Variants in DNAJC5 observed in about 807,000 individuals in gnomAD.
DNAJC5 encodes DnaJ heat shock protein family (Hsp40) member C5.
A neutral mutation model predicts 23.2 loss-of-function variants in DNAJC5; 1 was observed. That is an observed-to-expected ratio of 0.04 (90% CI 0.02 to 0.20). The LOEUF (loss-of-function observed/expected upper bound fraction) is 0.20. Ranked by LOEUF, DNAJC5 falls within the 10% of genes least tolerant of loss-of-function variation. DNAJC5 has a pLI of 1.00. For synonymous variants in DNAJC5, 136 were observed against 120.0 expected (o/e 1.13, Z -0.87); for missense variants, 180 against 267.0 (o/e 0.67, Z 2.27).
intron 1 of DNAJC5, among the ~76,000 whole-genome samples, chr20:63,900,040 C>G (rs1007562122): frequency 6.6e-6 from 1 of 151,946 alleles, no homozygotes; most frequent in Admixed American, 6.6e-5. Flanking sequence ...AGGCGCCTGC[C>G]ATGACACCCG....
In DNAJC5 at chr20:63,931,855, C is replaced by T. The variant is rs887145193; in HGVS notation, c.*287C>T. 4.3e-6 allele frequency: 2 copies of T among 463,410 alleles called. No individual in the cohort carries two copies. Among genetic ancestry groups the T allele is most frequent in the African/African-American group, 2.0e-5 (1 of 50,470 alleles). 28.7% of individuals were successfully genotyped at this position (463,410 alleles called of 1,614,324 possible). A position where few individuals can be genotyped will look rare whatever the true frequency, so the allele number is the denominator to read the frequency against. ...TTGTGGACATTCCGCGGCATGACCG[C>T]GTGAACTGCACGGTGGAGCTGCCTC... is the stretch of plus-strand genomic sequence containing the variant. On this transcript the variant is annotated 3_prime_UTR_variant, in exon 5 of 5. Coordinates refer to ENST00000360864, the MANE Select transcript of DNAJC5 (RefSeq NM_025219.3). The surrounding 1 kb of genome is among the most constrained non-coding windows in gnomAD (Gnocchi z 9.6).
At chr20:63,930,761 C>G (rs757175749) in intron 3 of DNAJC5, 90 bp from the exon 4 acceptor site, 64 of 1,594,528 alleles carry the variant, frequency 4.0e-5, no homozygotes, top group African/African-American at 5.4e-5. Flanking sequence ...GAACGCACCC[C>G]CTGCCTTCTG....
chr20:63,915,225 C>G (rs1042833394), intron 1 of DNAJC5, among the ~76,000 whole-genome samples: 4 of 151,958 alleles, frequency 2.6e-5, no homozygotes, highest in Admixed American at 2.6e-4. Flanking sequence ...TAGAATAGGA[C>G]CTTAGGGTCA....
chr20:63,906,626 T>C (rs1419399466), intron 1 of DNAJC5, among the ~76,000 whole-genome samples: 1 of 150,248 alleles, frequency 6.7e-6, no homozygotes, highest in Non-Finnish European at 1.5e-5. Context: ...CTACTAAAAA[T>C]ACAAAAAAAG....
intron 1 of DNAJC5, among the ~76,000 whole-genome samples, chr20:63,915,143 G>T (rs146893858): frequency 1.2e-4 from 18 of 152,122 alleles, no homozygotes; most frequent in South Asian, 2.1e-4. Context: ...ATAGGAGCTG[G>T]TCCGTATCTC....
rs2053556061 is a variant in DNAJC5 at position 63,920,190 on chromosome 20, T to G, written c.-11-8145T>G. Among the ~76,000 whole-genome samples the G allele has an allele frequency of 6.6e-6, 1 of 152,186 alleles. No homozygotes were observed. The highest frequency in any genetic ancestry group is 2.4e-5 in the African/African-American group (1 of 41,434). On this transcript the variant is annotated intron_variant, in intron 1 of 4. Coordinates refer to ENST00000360864, the MANE Select transcript of DNAJC5 (RefSeq NM_025219.3). The surrounding 1 kb of genome is among the most constrained non-coding windows in gnomAD (Gnocchi z 4.6). ...CACCCGGCTGTGTGGCAGGGGAGGT[T>G]CCCAAGAGCAGGCTCAGGGCTCTGG...
rs886043295 is a variant in DNAJC5 at position 63,930,868 on chromosome 20, C to T, written c.339C>T (p.Cys113=). Reference sequence around the variant, plus strand: ...CCCCCCAGGCCCTGTTTGTCTTCTGCGGCCTCCTCACGTGCTGCTACTGCT... The same window carrying T: ...CCCCCCAGGCCCTGTTTGTCTTCTGTGGCCTCCTCACGTGCTGCTACTGCT... ...SWWAKALFVF[C]GLLTCCYCCC... is the part of the protein sequence containing the mutation. The change falls in exon 4 of 5, where the codon TGC becomes TGT. Residue 113 remains cysteine (C), a synonymous_variant. Transcript: ENST00000360864. 2.8e-5 allele frequency: 45 copies of T among 1,613,066 alleles called. No homozygotes were observed. Among genetic ancestry groups the T allele is most frequent in the South Asian group, 7.7e-5 (7 of 91,048 alleles).
intron 1 of DNAJC5, among the ~76,000 whole-genome samples, chr20:63,916,879 A>G (rs1012565029): frequency 1.3e-5 from 2 of 152,214 alleles, no homozygotes; most frequent in Non-Finnish European, 2.9e-5. Context: ...AAGAAGAAAA[A>G]TATGGCTGTA....
At chr20:63,926,774 C>T (rs12481368) in intron 1 of DNAJC5, among the ~76,000 whole-genome samples, 9,561 of 152,258 alleles carry the variant, frequency 0.063, 417 homozygotes, top group Non-Finnish European at 0.097. Flanking sequence ...CACAGGGCAG[C>T]GCAGTTGGCT....
intron 1 of DNAJC5, among the ~76,000 whole-genome samples, chr20:63,911,679 CT>C (rs895377433): frequency 1.6e-3 from 236 of 144,482 alleles, no homozygotes; most frequent in Middle Eastern, 3.6e-3. Flanking sequence ...TTTAGGAATT[CT>C]TTTTTTTTTT....
At position 63,931,290 on chromosome 20, in the gene DNAJC5, C is replaced by G. The variant is rs1256009702; in HGVS notation, c.494-175C>G. 6 of 799,758 alleles carry G rather than the reference C, an allele frequency of 7.5e-6. No individual in the cohort carries two copies. The Admixed American group carries it at 1.2e-4, about 16-fold the overall frequency. 49.5% of individuals were successfully genotyped at this position (799,758 alleles called of 1,614,324 possible). A position where few individuals can be genotyped will look rare whatever the true frequency, so the allele number is the denominator to read the frequency against. ...AGGCAGTTGGGGCGGGGCTGAGGGC[C>G]GAGGGCTGGCGGTGACCCAAGGCGA... On this transcript the variant is annotated intron_variant, in intron 4 of 4. Coordinates refer to ENST00000360864, the MANE Select transcript of DNAJC5 (RefSeq NM_025219.3). This position sits in a 1 kb window ranked among gnomAD's most constrained non-coding sequence, Gnocchi z 9.6.
At chr20:63,927,983 C>G (rs1174097789) in intron 1 of DNAJC5, among the ~76,000 whole-genome samples, 1 of 151,928 alleles carries the variant, frequency 6.6e-6, no homozygotes, top group Non-Finnish European at 1.5e-5. Flanking sequence ...GAACAGGGTC[C>G]CTGTCTCCTG....
At chr20:63,900,012 C>T (rs1600858308) in intron 1 of DNAJC5, among the ~76,000 whole-genome samples, 1 of 151,906 alleles carries the variant, frequency 6.6e-6, no homozygotes, top group African/African-American at 2.4e-5. Flanking sequence ...CCTCAGCCTC[C>T]TGGGTTGCTG....
intron 1 of DNAJC5, among the ~76,000 whole-genome samples, chr20:63,902,647 C>T (rs772371618): frequency 1.7e-4 from 25 of 148,724 alleles, no homozygotes; most frequent in African/African-American, 4.7e-4. Flanking sequence ...GGATTACAGG[C>T]GTGAGCCAAC....
chr20:63,895,176 T>TGCCGCACCCGCGCCCTCTGCCGCC lies in DNAJC5; in HGVS notation c.-153_-130dup, dbSNP rs1251352034. ...CTGCCGCTGCCGCTGCCGCTGCCGG[T>TGCCGCACCCGCGCCCTCTGCCGCC]GCCGCACCCGCGCCCTCTGCCGCCG... is the stretch of plus-strand genomic sequence containing the variant. On this transcript the variant is annotated 5_prime_UTR_variant, in exon 1 of 5. Transcript: ENST00000360864. The TGCCGCACCCGCGCCCTCTGCCGCC allele has an allele frequency of 1.3e-5, 2 of 154,056 alleles. No homozygotes were observed. The highest frequency in any genetic ancestry group is 4.9e-5 in the African/African-American group (2 of 41,128). 9.5% of individuals were successfully genotyped at this position (154,056 alleles called of 1,614,324 possible).
chr20:63,912,896 G>A (rs973616162), intron 1 of DNAJC5, among the ~76,000 whole-genome samples: 20 of 152,234 alleles, frequency 1.3e-4, no homozygotes, highest in African/African-American at 4.8e-4. Context: ...TTTGGCCACC[G>A]TGCCCGGCCG....
At chr20:63,898,107 C>G (rs1387564057) in intron 1 of DNAJC5, among the ~76,000 whole-genome samples, 1 of 152,170 alleles carries the variant, frequency 6.6e-6, no homozygotes, top group African/African-American at 2.4e-5. Flanking sequence ...GAACTCGAGT[C>G]TTCTCTAGAC....
chr20:63,897,396 T>TA (rs561487665), intron 1 of DNAJC5, among the ~76,000 whole-genome samples: 2 of 146,116 alleles, frequency 1.4e-5, no homozygotes, highest in African/African-American at 5.1e-5. Context: ...CTCCATCTTA[T>TA]AAAAAAAATA....
chr20:63,897,505 G>T (rs922605604), intron 1 of DNAJC5, among the ~76,000 whole-genome samples: 1 of 152,168 alleles, frequency 6.6e-6, no homozygotes, highest in Admixed American at 6.5e-5. Context: ...GGTGGAGGTT[G>T]CAGTGAGCAA....
Sources: gnomAD v4.1 joint callset for allele counts (sites outside exome capture counted in the v4.1 genomes callset) on GRCh38, gnomAD v4.1.1 for gene constraint, Gnocchi (gnomAD v3.1) non-coding constraint, MANE v1.5 for transcripts, NCBI Gene and HGNC (gene_info 2026-07-23, HGNC 2026-07-21) for gene names.